Variants in NKTR observed in about 807,000 individuals in gnomAD.
NKTR encodes the protein natural killer cell triggering receptor.
Under a neutral mutation model 156.3 loss-of-function variants are expected in NKTR, and 67 were observed. The ratio of observed to expected loss-of-function variants is 0.43; its 90% CI spans 0.35 to 0.53. NKTR has a LOEUF of 0.53. Ranked by LOEUF, NKTR falls within the 20% of genes least tolerant of loss-of-function variation. NKTR has a pLI of 0.01. For missense variants in NKTR, 1,604 were observed against 1,730.9 expected, an observed-to-expected ratio of 0.93 and a Z score of 1.30; for synonymous variants, 640 against 596.6, an observed-to-expected ratio of 1.07 and a Z score of -1.06.
At position 42,631,279 on chromosome 3, in the gene NKTR, T is replaced by C. The variant is rs1327128760; in HGVS notation, c.513T>C (p.Ile171=). ...ASRPYADVRV[I]DCGVLATKSI... ...GACCATATGCAGATGTGCGAGTTAT[T>C]GACTGTGGAGTACTTGCCACAAAAT... The change falls in exon 8 of 17, where the codon ATT becomes ATC. Residue 171 remains isoleucine (I), a synonymous_variant. Coordinates refer to ENST00000232978, the MANE Select transcript of NKTR (RefSeq NM_005385.4). 18 of 1,613,862 alleles carry C rather than the reference T, an allele frequency of 1.1e-5. No individual in the cohort carries two copies. The highest frequency in any genetic ancestry group is 1.5e-5 in the Non-Finnish European group (18 of 1,179,914).
chr3:42,643,299 TG>T (rs1430459288), intron 14 of NKTR, 39 bp from the exon 15 acceptor site: 3 of 1,579,938 alleles, frequency 1.9e-6, no homozygotes, highest in Non-Finnish European at 2.6e-6. Flanking sequence ...TGTCCTGCCC[TG>T]ATCTATAAGA....
At chr3:42,614,408 A>T (rs1707148605) in intron 2 of NKTR, among the ~76,000 whole-genome samples, 1 of 151,732 alleles carries the variant, frequency 6.6e-6, no homozygotes, top group African/African-American at 2.4e-5. Context: ...AATATTTACT[A>T]ACTAAACTAG....
At chr3:42,621,778 C>T (rs551433203) in intron 6 of NKTR, among the ~76,000 whole-genome samples, 9 of 151,886 alleles carry the variant, frequency 5.9e-5, no homozygotes, top group African/African-American at 7.2e-5. Context: ...GAAAAGATGA[C>T]GGCATATTTA....
intron 2 of NKTR, among the ~76,000 whole-genome samples, chr3:42,614,298 AC>A (rs1427988141): frequency 6.6e-5 from 10 of 152,066 alleles, no homozygotes; most frequent in East Asian, 1.9e-4. Flanking sequence ...AGAGAGACTT[AC>A]GCAAATTCAT....
intron 16 of NKTR, among the ~76,000 whole-genome samples, chr3:42,644,551 A>G (rs1023701342): frequency 4.6e-5 from 7 of 152,102 alleles, no homozygotes; most frequent in Admixed American, 2.6e-4. Flanking sequence ...TCCCCTGTCC[A>G]TTGCAACTGC....
intron 4 of NKTR, 73 bp downstream of exon 4, chr3:42,619,200 C>G (rs1418440800): frequency 6.4e-7 from 1 of 1,560,158 alleles, no homozygotes; most frequent in East Asian, 2.3e-5. Context: ...ACTTTTAGTT[C>G]TAAATATTGT....
At chr3:42,622,522 G>A (rs1708010118) in intron 6 of NKTR, among the ~76,000 whole-genome samples, 2 of 151,966 alleles carry the variant, frequency 1.3e-5, no homozygotes, top group Non-Finnish European at 2.9e-5. Flanking sequence ...TGTTAAATTT[G>A]TCTGAAAAAT....
chr3:42,613,423 T>C (rs1435064832), intron 2 of NKTR, among the ~76,000 whole-genome samples: 1 of 152,198 alleles, frequency 6.6e-6, no homozygotes, highest in Non-Finnish European at 1.5e-5. Flanking sequence ...TGTGATCTGT[T>C]CTTAACCTTT....
chr3:42,636,285 G>C (rs1282752649), intron 12 of NKTR, among the ~76,000 whole-genome samples: 1 of 152,180 alleles, frequency 6.6e-6, no homozygotes, highest in Non-Finnish European at 1.5e-5. Context: ...CAGTGGTGCT[G>C]AGGACTTTCA....
chr3:42,621,323 C>G, intron 5 of NKTR, 106 bp from the exon 6 acceptor site: 3 of 1,445,642 alleles, frequency 2.1e-6, no homozygotes, highest in Non-Finnish European at 1.8e-6. Context: ...GTTATCTGTA[C>G]TGACCAGAAG....
rs1418063498 is a variant in NKTR, at chr3:42,648,587, C to G, written c.*2612C>G. The G allele has an allele frequency of 1.3e-5, 2 of 152,592 alleles. No homozygotes were observed. The highest frequency in any genetic ancestry group is 2.9e-5 in the Non-Finnish European group (2 of 68,018). The allele number at this position is 152,592 out of a possible 1,614,324, so 9.5% of individuals were successfully genotyped here. The stretch of plus-strand genomic sequence containing the variant: ...ATTATTGGACTGTTTTTGTAACATC[C>G]TGTTTATTGCAAATAGCTAGTATCG... On this transcript the variant is annotated 3_prime_UTR_variant, in exon 17 of 17. Coordinates refer to ENST00000232978, the MANE Select transcript of NKTR (RefSeq NM_005385.4).
chr3:42,630,687 T>C, intron 7 of NKTR, 112 bp downstream of exon 7: 1 of 1,529,802 alleles, frequency 6.5e-7, no homozygotes. Context: ...TGGCTTAATC[T>C]CATAGCAAAA....
At chr3:42,610,818 A>G (rs1164109957) in intron 2 of NKTR, among the ~76,000 whole-genome samples, 1 of 152,186 alleles carries the variant, frequency 6.6e-6, no homozygotes, top group Non-Finnish European at 1.5e-5. Flanking sequence ...CAGTTGATAT[A>G]GTGTTACACT....
intron 16 of NKTR, among the ~76,000 whole-genome samples, chr3:42,644,462 T>A (rs1026826532): frequency 4.6e-5 from 7 of 152,228 alleles, no homozygotes; most frequent in African/African-American, 1.7e-4. Flanking sequence ...ATGTATTATG[T>A]TTAACATATT....
Position 42,639,481 on chromosome 3 carries a change from A to G in NKTR, c.3777A>G (p.Pro1259=). ...TGACCACTGTGCCTGAAATGAAACC[A>G]CAAGGCTTGAGAATAGAAATTAAAA... ...KVLTTVPEMK[P]QGLRIEIKSK... is the part of the protein sequence containing the mutation. Residue 1259 remains proline (P), a synonymous_variant, in exon 13 of 17, where the codon CCA becomes CCG. Coordinates refer to ENST00000232978, the MANE Select transcript of NKTR (RefSeq NM_005385.4). 1 of 1,614,220 alleles carries G rather than the reference A, an allele frequency of 6.2e-7. No homozygotes were observed. The highest frequency in any genetic ancestry group is 1.7e-5 in the Admixed American group (1 of 60,010).
chr3:42,622,581 T>G (rs1351084538), intron 6 of NKTR, among the ~76,000 whole-genome samples: 6 of 152,052 alleles, frequency 3.9e-5, no homozygotes, highest in Non-Finnish European at 8.8e-5. Flanking sequence ...ATTCTGTTCC[T>G]AAGAATGTCC....
rs1449570044 is a variant in NKTR at position 42,639,373 on chromosome 3, T to C, written c.3669T>C (p.Asp1223=). 2.5e-6 allele frequency: 4 copies of C among 1,614,044 alleles called. No homozygotes were observed. The highest frequency in any genetic ancestry group is 3.4e-6 in the Non-Finnish European group (4 of 1,179,994). Residue 1223 remains aspartate (D), a synonymous_variant, in exon 13 of 17, where the codon GAT becomes GAC. Transcript: ENST00000232978. ...AGAAGAGCCAGATCAACCTCATTGA[T>C]AAGAAATGGAAGCCCCTGCAAGGTG... ...VAEKSQINLI[D]KKWKPLQGVG...
chr3:42,640,093 A>G (rs1207451055), intron 13 of NKTR, among the ~76,000 whole-genome samples: 5 of 152,236 alleles, frequency 3.3e-5, no homozygotes, highest in Non-Finnish European at 4.4e-5. Flanking sequence ...TTGACAGAAT[A>G]TATAGAATTT....
rs376753039 is a variant in NKTR, at chr3:42,631,220, C to G, written c.454C>G (p.Gln152Glu). 6.2e-7 allele frequency: 1 copy of G among 1,613,996 alleles called. No individual in the cohort carries two copies. Among genetic ancestry groups the G allele is most frequent in the African/African-American group, 1.3e-5 (1 of 75,010 alleles). Residue 152 changes from glutamine to glutamate, a missense_variant, in exon 8 of 17, where the codon CAA becomes GAA. By Grantham distance (29) the Gln-to-Glu change is conservative (BLOSUM62 2). Transcript: ENST00000232978. The part of the protein sequence containing the change: ...LVISGFEVIE[Q>E]IENLKTDAAS... ...TATTTCTGGTTTTGAAGTAATCGAA[C>G]AAATTGAAAATCTGAAGACCGATGC...
Sources: gnomAD v4.1 joint callset for allele counts (sites outside exome capture counted in the v4.1 genomes callset) on GRCh38, gnomAD v4.1.1 for gene constraint, MANE v1.5 for transcripts, NCBI Gene and HGNC (gene_info 2026-07-23, HGNC 2026-07-21) for gene names.